The following POLR3A variants were observed in gnomAD, a reference collection of about 807,000 sequenced individuals.
The protein encoded by POLR3A is RNA polymerase III subunit A, also known as DNA-directed RNA polymerase III subunit RPC1.
A neutral mutation model predicts 152.8 loss-of-function variants in POLR3A; 112 were observed. The observed-to-expected ratio is 0.73, with a 90% CI of 0.63 to 0.86. POLR3A has a LOEUF of 0.86. Among genes scored for constraint, POLR3A ranks in the 40% least tolerant of loss-of-function variants. The probability of loss-of-function intolerance (pLI) is 0.00; values close to 1 mark genes in which losing one functional copy is unlikely to be tolerated. For synonymous variants in POLR3A, 615 were observed against 652.1 expected, an observed-to-expected ratio of 0.94 and a Z score of 0.87; for missense variants, 1,385 against 1,743.1, an observed-to-expected ratio of 0.79 and a Z score of 3.66.
chr10:78,023,339 A>G (rs996674739), intron 5 of POLR3A, among the ~76,000 whole-genome samples: 2 of 152,084 alleles, frequency 1.3e-5, no homozygotes, highest in Non-Finnish European at 2.9e-5. Flanking sequence ...GGGCACTTGT[A>G]GTCCCAGCAA....
intron 30 of POLR3A, among the ~76,000 whole-genome samples, chr10:77,978,654 A>G (rs1410344065): frequency 2.1e-5 from 3 of 142,862 alleles, no homozygotes; most frequent in Non-Finnish European, 1.5e-5. Context: ...TTTTCCCTTC[A>G]TGCTAGTTTT....
At chr10:78,000,652 A>G (rs1193189686) in intron 18 of POLR3A, among the ~76,000 whole-genome samples, 2 of 152,226 alleles carry the variant, frequency 1.3e-5, no homozygotes, top group Non-Finnish European at 2.9e-5. Context: ...TAAATTATAT[A>G]TGAAGTATAA....
intron 8 of POLR3A, among the ~76,000 whole-genome samples, chr10:78,020,595 T>C (rs1847569848): frequency 6.6e-6 from 1 of 151,864 alleles, no homozygotes; most frequent in South Asian, 2.1e-4. Context: ...GAGACGATCC[T>C]GGCCAACATG....
At chr10:78,025,523 G>T in intron 3 of POLR3A, 99 bp downstream of exon 3, 1 of 1,157,634 alleles carries the variant, frequency 8.6e-7, no homozygotes, top group Middle Eastern at 1.9e-4. Context: ...GAGTCCCCTA[G>T]ATGTATCCCC....
intron 14 of POLR3A, among the ~76,000 whole-genome samples, chr10:78,009,203 C>A (rs986587216): frequency 6.7e-6 from 1 of 149,534 alleles, no homozygotes; most frequent in Admixed American, 6.7e-5. Context: ...TAGTAAAATC[C>A]TTGTTTATTG....
intron 5 of POLR3A, among the ~76,000 whole-genome samples, chr10:78,023,661 C>A (rs1222480804): frequency 6.6e-6 from 1 of 151,330 alleles, no homozygotes; most frequent in Non-Finnish European, 1.5e-5. Context: ...GCCTGTAGTC[C>A]CAGCTACTTG....
chr10:77,991,084 C>T lies in POLR3A; in HGVS notation c.2871G>A (p.Glu957=), dbSNP rs1847243209. 6.2e-7 allele frequency: 1 copy of T among 1,612,264 alleles called. No individual in the cohort carries two copies. The highest frequency in any genetic ancestry group is 8.5e-7 in the Non-Finnish European group (1 of 1,178,408). Residue 957 remains glutamate (E), a synonymous_variant, in exon 21 of 31, where the codon GAG becomes GAA. Coordinates refer to ENST00000372371, the MANE Select transcript of POLR3A (RefSeq NM_007055.4). ...GGAAGCTGTCCTGGCAGCAGAGGAA[C>T]TCACTCTTCTTCATGATGGACTCTG... The part of the protein sequence containing the change: ...LTTESIMKKS[E]FLCCQDSFLQ...
At position 78,013,888 on chromosome 10, in the gene POLR3A, T is replaced by G. The variant is rs997725410; in HGVS notation, c.1432-98A>C. 3 of 1,364,036 alleles carry G rather than the reference T, an allele frequency of 2.2e-6. No individual in the cohort carries two copies. The Middle Eastern group carries it at 5.3e-4, about 243-fold the overall frequency. 84.5% of individuals were successfully genotyped at this position (1,364,036 alleles called of 1,614,324 possible). Reference sequence around the variant, plus strand: ...CATTAAAAATGGCTTCCTGGAATACTGGGCACTGGCTTAAGAAAGTAGATT... The same window carrying G: ...CATTAAAAATGGCTTCCTGGAATACGGGGCACTGGCTTAAGAAAGTAGATT... On this transcript the variant is annotated intron_variant, in intron 10 of 30. Coordinates refer to ENST00000372371, the MANE Select transcript of POLR3A (RefSeq NM_007055.4).
chr10:77,982,505 G>C, intron 27 of POLR3A, 148 bp downstream of exon 27: 1 of 887,552 alleles, frequency 1.1e-6, no homozygotes, highest in South Asian at 1.4e-5. Context: ...TGATAGAACA[G>C]AGAGGAATCT....
Position 77,982,231 on chromosome 10 carries a change from C to G in POLR3A, c.3682G>C (p.Glu1228Gln). 6.2e-7 allele frequency: 1 copy of G among 1,613,936 alleles called. No homozygotes were observed. The highest frequency in any genetic ancestry group is 8.5e-7 in the Non-Finnish European group (1 of 1,179,970). ...SGKEKYKLLV[E>Q]GDNLRAVMAT... ...ATGACTGCCCGCAGGTTATCACCTT[C>G]CACCAGAAGCTTGTACTTCTCCTTT... Residue 1228 changes from glutamate (E) to glutamine (Q), a missense_variant, in exon 28 of 31, where the codon GAA (glutamate) becomes CAA (glutamine). Physicochemically the swap from Glu to Gln is conservative, Grantham distance 29 (BLOSUM62 2). Coordinates refer to ENST00000372371, the MANE Select transcript of POLR3A (RefSeq NM_007055.4).
rs975940723 is a variant in POLR3A, at chr10:78,019,171, T to C, written c.1280A>G (p.Gln427Arg). 1.2e-6 allele frequency: 2 copies of C among 1,610,306 alleles called. No individual in the cohort carries two copies. The highest frequency in any genetic ancestry group is 2.7e-5 in the African/African-American group (2 of 74,866). ...ATTGGGAAAAGATTACCTTTTCATCTGCGTATGTCTCTGCTGAATGAAGTT... is the reference window on the plus strand; with the variant it reads ...ATTGGGAAAAGATTACCTTTTCATCCGCGTATGTCTCTGCTGAATGAAGTT... ...GANFIQQRHTQMKRFLKYGNR... is the reference protein window; with the variant it reads ...GANFIQQRHTRMKRFLKYGNR... Residue 427 changes from glutamine (Q) to arginine (R), a missense_variant, in exon 9 of 31, where the codon CAG (glutamine) becomes CGG (arginine). By Grantham distance (43) the Gln-to-Arg change is conservative (BLOSUM62 1). This residue lies in a region of POLR3A where 493 missense variants were observed against 647.5 expected (regional missense o/e 0.76). Coordinates refer to ENST00000372371, the MANE Select transcript of POLR3A (RefSeq NM_007055.4).
At chr10:78,002,335 T>C (rs370244880) in intron 16 of POLR3A, 27 bp from the exon 17 acceptor site, 39 of 1,368,434 alleles carry the variant, frequency 2.8e-5, no homozygotes, top group Non-Finnish European at 4.1e-6. Flanking sequence ...AGATCCTTGG[T>C]GGGTTGTCCT....
intron 10 of POLR3A, among the ~76,000 whole-genome samples, chr10:78,014,946 C>T (rs1288534305): frequency 1.3e-5 from 2 of 152,154 alleles, no homozygotes; most frequent in African/African-American, 4.8e-5. Context: ...TTCCATTTTG[C>T]AGCCCAATAA....
intron 19 of POLR3A, among the ~76,000 whole-genome samples, chr10:77,996,931 G>A (rs1418966559): frequency 2.6e-5 from 4 of 151,978 alleles, no homozygotes; most frequent in Admixed American, 1.3e-4. Context: ...CTGGCAAACC[G>A]AATCCAGCAG....
chr10:77,981,532 C>T lies in POLR3A; in HGVS notation c.3787G>A (p.Ala1263Thr), dbSNP rs560414667. 1.2e-5 allele frequency: 19 copies of T among 1,614,010 alleles called. No homozygotes were observed. In the East Asian group the frequency reaches 1.3e-4, roughly 11 times the overall value. ...ATTTCATTGATGATCGTTGTCCGGG[C>T]GGCCTCGATGCCCAGAGTTTTCTCC... is the stretch of plus-strand genomic sequence containing the variant. Reference protein sequence around the residue: ...EVEKTLGIEAARTTIINEIQY... With the variant: ...EVEKTLGIEATRTTIINEIQY... Residue 1263 changes from alanine to threonine, a missense_variant, in exon 29 of 31, where the codon GCC (alanine) becomes ACC (threonine). Ala to Thr is a moderately conservative substitution (Grantham distance 58). Coordinates refer to ENST00000372371, the MANE Select transcript of POLR3A (RefSeq NM_007055.4).
At chr10:78,029,020 A>G (rs1847663775) in intron 1 of POLR3A, among the ~76,000 whole-genome samples, 1 of 152,072 alleles carries the variant, frequency 6.6e-6, no homozygotes, top group African/African-American at 2.4e-5. Flanking sequence ...CCCGCCCCAG[A>G]TTGCTCCCCT....
intron 21 of POLR3A, among the ~76,000 whole-genome samples, chr10:77,990,439 G>A (rs1847236693): frequency 6.6e-6 from 1 of 152,178 alleles, no homozygotes; most frequent in African/African-American, 2.4e-5. Context: ...TAGTAGGCTG[G>A]TGTTAGGGAC....
At chr10:77,988,698 A>G (rs1847220368) in intron 21 of POLR3A, among the ~76,000 whole-genome samples, 1 of 152,202 alleles carries the variant, frequency 6.6e-6, no homozygotes, top group Non-Finnish European at 1.5e-5. Flanking sequence ...CATGGCTCTA[A>G]CAGAATATTC....
At position 78,022,813 on chromosome 10, in the gene POLR3A, A is replaced by G. The variant is rs188468953; in HGVS notation, c.646-429T>C. Among the ~76,000 whole-genome samples, 592 of 152,304 alleles carry G rather than the reference A, an allele frequency of 3.9e-3. 5 individuals are homozygous for G. Among genetic ancestry groups the G allele is most frequent in the African/African-American group, 0.014 (573 of 41,562 alleles). On this transcript the variant is annotated intron_variant, in intron 5 of 30. Coordinates refer to ENST00000372371, the MANE Select transcript of POLR3A (RefSeq NM_007055.4). ...AAAGCAGCAAGCCATTGGGGGGAAAAAAAGATACTAGACAAACACAGCAAT... is the reference window on the plus strand; with the variant it reads ...AAAGCAGCAAGCCATTGGGGGGAAAGAAAGATACTAGACAAACACAGCAAT...
Sources: gnomAD v4.1 joint callset for allele counts (sites outside exome capture counted in the v4.1 genomes callset) on GRCh38, gnomAD v4.1.1 for gene constraint, gnomAD v4.1.1 regional missense constraint, MANE v1.5 for transcripts, NCBI Gene and HGNC (gene_info 2026-07-23, HGNC 2026-07-21) for gene names.